METAP1: variants seen among roughly 807,000 people sequenced by gnomAD.
The protein encoded by METAP1 is methionine aminopeptidase 1.
A neutral mutation model predicts 53.8 loss-of-function variants in METAP1; 28 were observed. That is an observed-to-expected ratio of 0.52 (90% CI 0.39 to 0.71). METAP1 has a LOEUF of 0.71. METAP1 is among the 30% of genes least tolerant of loss of function. METAP1 has a pLI of 0.00. For synonymous variants in METAP1, 181 were observed against 165.7 expected, an observed-to-expected ratio of 1.09 and a Z score of -0.71; for missense variants, 389 against 479.8, an observed-to-expected ratio of 0.81 and a Z score of 1.77.
chr4:99,016,551 A>G (rs1020157447), intron 1 of METAP1, among the ~76,000 whole-genome samples: 2 of 152,234 alleles, frequency 1.3e-5, no homozygotes, highest in African/African-American at 4.8e-5. Flanking sequence ...TAATATGTTC[A>G]ATTAAGGCCG....
intron 1 of METAP1, among the ~76,000 whole-genome samples, chr4:99,027,822 T>C (rs925276585): frequency 2.0e-5 from 3 of 152,200 alleles, no homozygotes; most frequent in Non-Finnish European, 4.4e-5. Flanking sequence ...CTGTGGAGGC[T>C]ACAGAAAGAG....
At chr4:99,014,692 G>T (rs1723655149) in intron 1 of METAP1, among the ~76,000 whole-genome samples, 1 of 152,134 alleles carries the variant, frequency 6.6e-6, no homozygotes, top group South Asian at 2.1e-4. Context: ...TTGATGAAAT[G>T]CCAGGGTAAA....
chr4:99,032,497 C>G (rs1725115496), intron 2 of METAP1, among the ~76,000 whole-genome samples: 1 of 152,166 alleles, frequency 6.6e-6, no homozygotes. Context: ...CTCCCAAGTG[C>G]TGGTATTACA....
At chr4:99,037,860 A>G (rs1253273170) in intron 4 of METAP1, 1 of 151,302 alleles carries the variant, frequency 6.6e-6, no homozygotes, top group Non-Finnish European at 1.5e-5. Flanking sequence ...ACATTTTTTT[A>G]TTGGGATAGT....
intron 6 of METAP1, among the ~76,000 whole-genome samples, chr4:99,043,040 G>T (rs1025014892): frequency 6.6e-6 from 1 of 152,088 alleles, no homozygotes; most frequent in Non-Finnish European, 1.5e-5. Context: ...GCAGTTACCA[G>T]TAAACTGGTT....
At chr4:99,031,254 TTTAGTA>T (rs1157591850) in intron 2 of METAP1, among the ~76,000 whole-genome samples, 1 of 152,136 alleles carries the variant, frequency 6.6e-6, no homozygotes, top group Non-Finnish European at 1.5e-5. Flanking sequence ...AGCATTTACT[TTTAGTA>T]TTATCTGTAG....
At chr4:99,050,479 T>G (rs17028443) in intron 9 of METAP1, among the ~76,000 whole-genome samples, 9,884 of 152,136 alleles carry the variant, frequency 0.065, 1,080 homozygotes, top group African/African-American at 0.22. Context: ...TGGATAGTTG[T>G]GAAGAGAAAG....
intron 1 of METAP1, among the ~76,000 whole-genome samples, chr4:99,028,397 A>G (rs1413037795): frequency 6.6e-6 from 1 of 152,130 alleles, no homozygotes; most frequent in Non-Finnish European, 1.5e-5. Context: ...CTTTGATACC[A>G]TCCCTTCCCT....
intron 9 of METAP1, among the ~76,000 whole-genome samples, chr4:99,057,361 G>T (rs76611562): frequency 6.6e-6 from 1 of 152,214 alleles, no homozygotes. Flanking sequence ...ATTCTCCTTT[G>T]AGCTTCTCTA....
chr4:99,036,520 T>A (rs1725433410), intron 4 of METAP1, among the ~76,000 whole-genome samples: 3 of 152,114 alleles, frequency 2.0e-5, no homozygotes, highest in Admixed American at 2.0e-4. Flanking sequence ...TGTACAGAAC[T>A]TTTCAGAACT....
At chr4:98,996,142 T>G (rs972347442) in intron 1 of METAP1, among the ~76,000 whole-genome samples, 1 of 152,082 alleles carries the variant, frequency 6.6e-6, no homozygotes, top group Non-Finnish European at 1.5e-5. Flanking sequence ...CGGGGTCGCG[T>G]GGCCGCGCTA....
Position 99,047,536 on chromosome 4 carries a change from CTCCT to C in METAP1, c.788-1190_788-1187del, listed in dbSNP as rs142793681. Among the ~76,000 whole-genome samples the C allele has an allele frequency of 4.4e-3, 674 of 152,226 alleles. 5 individuals are homozygous for C. Among genetic ancestry groups the C allele is most frequent in the African/African-American group, 0.016 (650 of 41,540 alleles). On this transcript the variant is annotated intron_variant, in intron 8 of 10. Transcript: ENST00000296411. Reference sequence around the variant, plus strand: ...AGCATGATTTTTCAAAACCAGAAACCTCCTTCCTTCTCCCCCCAAAATCAAGCTG... The same window carrying C: ...AGCATGATTTTTCAAAACCAGAAACCTCCTTCTCCCCCCAAAATCAAGCTG...
chr4:99,035,389 T>C lies in METAP1; in HGVS notation c.280-11T>C. 6.5e-7 allele frequency: 1 copy of C among 1,539,488 alleles called. No individual in the cohort carries two copies. The highest frequency in any genetic ancestry group is 8.8e-7 in the Non-Finnish European group (1 of 1,136,254). On this transcript the variant is annotated splice_polypyrimidine_tract_variant and intron_variant, in intron 3 of 10. Transcript: ENST00000296411. Reference sequence around the variant, plus strand: ...CGTTGGTAAATCAGTTTTAACTAACTTTGTTTTTAGATGCCAACAAGGCCA... The same window carrying C: ...CGTTGGTAAATCAGTTTTAACTAACCTTGTTTTTAGATGCCAACAAGGCCA...
At chr4:99,042,256 G>T (rs1230186) in intron 6 of METAP1, among the ~76,000 whole-genome samples, 25,030 of 150,632 alleles carry the variant, frequency 0.17, 3,337 homozygotes, top group East Asian at 0.8. Flanking sequence ...CACAAATGTA[G>T]TTATTGGTTG....
chr4:99,022,910 C>T (rs570696871), intron 1 of METAP1: 68 of 1,500,664 alleles, frequency 4.5e-5, no homozygotes, highest in Admixed American at 3.0e-4. Flanking sequence ...CCTGAAAGAA[C>T]GCATCTGACC....
At chr4:99,055,638 A>G (rs1178128834) in intron 9 of METAP1, among the ~76,000 whole-genome samples, 4 of 152,116 alleles carry the variant, frequency 2.6e-5, no homozygotes, top group Non-Finnish European at 5.9e-5. Context: ...TTATTGAGAG[A>G]TATGTTACAT....
At chr4:99,019,689 C>T (rs912751828) in intron 1 of METAP1, among the ~76,000 whole-genome samples, 2 of 152,124 alleles carry the variant, frequency 1.3e-5, no homozygotes, top group African/African-American at 4.8e-5. Flanking sequence ...TTTTGTCTGT[C>T]TTCATCCTTC....
rs1725259096 is a variant in METAP1 at position 99,034,108 on chromosome 4, T to G, written c.167-122T>G. The G allele has an allele frequency of 2.1e-5, 13 of 632,432 alleles. No homozygotes were observed. In the South Asian group the frequency reaches 2.4e-4, roughly 12 times the overall value. The allele number at this position is 632,432 out of a possible 1,614,324, so 39.2% of individuals were successfully genotyped here. A position where few individuals can be genotyped will look rare whatever the true frequency, so the allele number is the denominator to read the frequency against. ...GTTTGGTGGATTTTTGTGCCTGGAC[T>G]TGTTGGCTTGGTTTTAAACAAGAGA... On this transcript the variant is annotated intron_variant, in intron 2 of 10. Coordinates refer to ENST00000296411, the MANE Select transcript of METAP1 (RefSeq NM_015143.3).
chr4:99,051,805 T>C (rs1348440023), intron 9 of METAP1, among the ~76,000 whole-genome samples: 1 of 152,188 alleles, frequency 6.6e-6, no homozygotes, highest in Non-Finnish European at 1.5e-5. Flanking sequence ...GAGATATCTT[T>C]TGAAATGTAA....
Sources: allele counts gnomAD v4.1 joint callset (sites outside exome capture counted in the v4.1 genomes callset), GRCh38; gene constraint gnomAD v4.1.1; transcripts MANE v1.5; gene names NCBI Gene and HGNC (gene_info 2026-07-23, HGNC 2026-07-21).